Variants in DNAH11 observed in about 807,000 individuals in gnomAD.
DNAH11 encodes dynein axonemal heavy chain 11.
Under a neutral mutation model 526.0 loss-of-function variants are expected in DNAH11, and 442 were observed. The ratio of observed to expected loss-of-function variants is 0.84; its 90% CI spans 0.78 to 0.91. The LOEUF (loss-of-function observed/expected upper bound fraction) is 0.91. Among genes scored for constraint, DNAH11 ranks in the 40% least tolerant of loss-of-function variants. DNAH11 has a pLI of 0.00. For synonymous variants in DNAH11, 2,461 were observed against 1,935.9 expected (o/e 1.27, Z -7.12); for missense variants, 6,989 against 5,448.7 (o/e 1.28, Z -8.90).
intron 2 of DNAH11, among the ~76,000 whole-genome samples, chr7:21,547,831 A>G (rs1276934292): frequency 6.6e-6 from 1 of 151,644 alleles, no homozygotes; most frequent in Non-Finnish European, 1.5e-5. Flanking sequence ...TTTTATCTAA[A>G]CCCTTTTGGT....
In DNAH11 at chr7:21,619,088, T is replaced by C. The variant is rs1240528993; in HGVS notation, c.4255-12T>C. On this transcript the variant is annotated splice_polypyrimidine_tract_variant and intron_variant, in intron 23 of 81. Transcript: ENST00000409508. The stretch of plus-strand genomic sequence containing the variant: ...GTGGAATATAAAGTCTAACTTTTTT[T>C]CCCCCAATCAGGTCAAGTTTTTAAT... 10 of 1,613,092 alleles carry C rather than the reference T, an allele frequency of 6.2e-6. No individual in the cohort carries two copies. Among genetic ancestry groups the C allele is most frequent in the East Asian group, 4.5e-5 (2 of 44,876 alleles).
At chr7:21,632,088 A>T (rs6971009) in intron 25 of DNAH11, among the ~76,000 whole-genome samples, 1 of 152,142 alleles carries the variant, frequency 6.6e-6, no homozygotes, top group African/African-American at 2.4e-5. Flanking sequence ...GAAGCTGCCA[A>T]TGCTTGAGGT....
At chr7:21,800,235 G>A (rs1327701388) in intron 61 of DNAH11, among the ~76,000 whole-genome samples, 1 of 152,142 alleles carries the variant, frequency 6.6e-6, no homozygotes, top group Admixed American at 6.6e-5. Context: ...CCAGTGGAAG[G>A]TGTTCCCTCT....
chr7:21,605,368 G>A (rs11976814), intron 18 of DNAH11, among the ~76,000 whole-genome samples: 6,807 of 152,226 alleles, frequency 0.045, 501 homozygotes, highest in African/African-American at 0.15. Flanking sequence ...TTTGTTAATT[G>A]GGACACAAGG....
intron 38 of DNAH11, 104 bp downstream of exon 38, chr7:21,704,732 A>G: frequency 7.8e-7 from 1 of 1,276,040 alleles, no homozygotes; most frequent in Non-Finnish European, 1.1e-6. Context: ...CCCTAACCTT[A>G]ATAGGATCTT....
At chr7:21,739,808 C>G (rs1471834710) in intron 48 of DNAH11, 135 bp downstream of exon 48, 1 of 629,960 alleles carries the variant, frequency 1.6e-6, no homozygotes, top group Non-Finnish European at 2.7e-6. Context: ...TTCCCACTAA[C>G]AACAGACAGG....
At chr7:21,758,889 G>A (rs1290242276) in intron 54 of DNAH11, among the ~76,000 whole-genome samples, 1 of 152,186 alleles carries the variant, frequency 6.6e-6, no homozygotes, top group East Asian at 1.9e-4. Context: ...CATGTGTGTA[G>A]AGTTATCCCA....
At chr7:21,611,795 T>C (rs1785532679) in intron 20 of DNAH11, among the ~76,000 whole-genome samples, 1 of 152,162 alleles carries the variant, frequency 6.6e-6, no homozygotes, top group Non-Finnish European at 1.5e-5. Flanking sequence ...CTCTCAATAA[T>C]AGTGAAATGA....
intron 66 of DNAH11, among the ~76,000 whole-genome samples, chr7:21,848,474 C>T (rs1403774711): frequency 6.6e-6 from 1 of 151,776 alleles, no homozygotes; most frequent in Non-Finnish European, 1.5e-5. Flanking sequence ...CAATATCTAC[C>T]GTATTTTTAT....
At chr7:21,574,011 C>A (rs1222908457) in intron 8 of DNAH11, among the ~76,000 whole-genome samples, 1 of 152,130 alleles carries the variant, frequency 6.6e-6, no homozygotes, top group Admixed American at 6.6e-5. Context: ...CTGCCGTGGT[C>A]CATTTACAGA....
At chr7:21,549,094 G>A (rs917131490) in intron 2 of DNAH11, among the ~76,000 whole-genome samples, 7 of 152,212 alleles carry the variant, frequency 4.6e-5, no homozygotes, top group South Asian at 2.1e-4. Flanking sequence ...GGCCAGGCTG[G>A]TCTCGAACTC....
intron 76 of DNAH11, among the ~76,000 whole-genome samples, chr7:21,888,811 T>C (rs530758374): frequency 1.3e-5 from 2 of 152,288 alleles, no homozygotes; most frequent in South Asian, 4.1e-4. Flanking sequence ...AAATTTTTGA[T>C]TATATTTTCA....
intron 68 of DNAH11, among the ~76,000 whole-genome samples, chr7:21,857,501 A>G (rs1782896257): frequency 6.6e-6 from 1 of 150,928 alleles, no homozygotes; most frequent in African/African-American, 2.4e-5. Context: ...TGAAAATTCA[A>G]AGGACTTAAA....
chr7:21,635,399 G>T (rs542920264), intron 25 of DNAH11, among the ~76,000 whole-genome samples: 1 of 152,026 alleles, frequency 6.6e-6, no homozygotes, highest in East Asian at 1.9e-4. Flanking sequence ...CTCGTGATCC[G>T]CCCACCTCGG....
At position 21,545,060 on chromosome 7, in the gene DNAH11, A is replaced by G. The variant is rs1357514844; in HGVS notation, c.406A>G (p.Ser136Gly). The stretch of plus-strand genomic sequence containing the variant: ...TTTTATTTCCAAGAAGATTACTGAA[A>G]GCATTGGAGTAAATGACTTTTCTCA... ...LVFISKKITE[S>G]IGVNDFSQVV... The change falls in exon 2 of 82, where the codon AGC becomes GGC. Residue 136 changes from serine (S) to glycine (G), a missense_variant. Transcript: ENST00000409508. 1 of 1,604,282 alleles carries G rather than the reference A, an allele frequency of 6.2e-7. No homozygotes were observed. Among genetic ancestry groups the G allele is most frequent in the Non-Finnish European group, 8.5e-7 (1 of 1,174,616 alleles).
rs747046328 is a variant in DNAH11 at position 21,590,992 on chromosome 7, C to G, written c.2244C>G (p.Ala748=). Residue 748 remains alanine, a synonymous_variant, in exon 13 of 82, where the codon GCC becomes GCG. Transcript: ENST00000409508. ...AAGACATACCAGATTCAGCTTTAGC[C>G]ATCTTCAAGAAAAGGAACACTATTT... is the stretch of plus-strand genomic sequence containing the variant. ...KKQDIPDSAL[A]IFKKRNTILK... is the part of the protein sequence containing the mutation. The G allele has an allele frequency of 3.3e-6, 5 of 1,517,040 alleles. No individual in the cohort carries two copies. The highest frequency in any genetic ancestry group is 2.9e-5 in the African/African-American group (2 of 69,154). 94.0% of individuals were successfully genotyped at this position (1,517,040 alleles called of 1,614,324 possible).
chr7:21,592,209 A>G (rs73070437), intron 14 of DNAH11, among the ~76,000 whole-genome samples: 7,360 of 152,276 alleles, frequency 0.048, 251 homozygotes, highest in Non-Finnish European at 0.068. Context: ...GAACAAATAG[A>G]TATGTCAGTT....
At chr7:21,557,733 G>T (rs561245317) in intron 2 of DNAH11, among the ~76,000 whole-genome samples, 1 of 152,162 alleles carries the variant, frequency 6.6e-6, no homozygotes, top group South Asian at 2.1e-4. Flanking sequence ...AACTTTTCTG[G>T]CAAGTCTTTC....
chr7:21,634,065 G>C (rs1332619790), intron 25 of DNAH11, among the ~76,000 whole-genome samples: 1 of 152,204 alleles, frequency 6.6e-6, no homozygotes, highest in Non-Finnish European at 1.5e-5. Context: ...AAATGTAGAA[G>C]AGACAAACTA....
Sources: allele counts gnomAD v4.1 joint callset (sites outside exome capture counted in the v4.1 genomes callset), GRCh38; gene constraint gnomAD v4.1.1; transcripts MANE v1.5; gene names NCBI Gene and HGNC (gene_info 2026-07-23, HGNC 2026-07-21).